CHMP5: variants seen among roughly 807,000 people sequenced by gnomAD.
CHMP5 encodes the protein SNF7 domain containing 2.
A neutral mutation model predicts 33.0 loss-of-function variants in CHMP5; 17 were observed. The ratio of observed to expected loss-of-function variants is 0.52; its 90% CI spans 0.35 to 0.77. CHMP5 has a LOEUF of 0.77. Ranked by LOEUF, CHMP5 falls within the 30% of genes least tolerant of loss-of-function variation. The pLI is 0.01. For missense variants in CHMP5, 216 were observed against 261.5 expected (o/e 0.83, Z 1.20); for synonymous variants, 76 against 90.2 (o/e 0.84, Z 0.89).
At chr9:33,276,754 A>G (rs1028293042) in intron 6 of CHMP5, among the ~76,000 whole-genome samples, 190 bp downstream of exon 6, 4 of 152,204 alleles carry the variant, frequency 2.6e-5, no homozygotes, top group African/African-American at 7.2e-5. Context: ...CAACAGTGGG[A>G]TGGATCAACT....
At chr9:33,272,266 C>T (rs1199922578) in intron 5 of CHMP5, among the ~76,000 whole-genome samples, 1 of 151,980 alleles carries the variant, frequency 6.6e-6, no homozygotes, top group African/African-American at 2.4e-5. Context: ...ATGTCCATTT[C>T]CTTGAATGCA....
chr9:33,265,293 T>A (rs1416027629), intron 1 of CHMP5, 146 bp downstream of exon 1: 1 of 728,594 alleles, frequency 1.4e-6, no homozygotes, highest in East Asian at 2.7e-5. Context: ...CCTTCTCCCC[T>A]TCATCCCTGT....
intron 5 of CHMP5, among the ~76,000 whole-genome samples, chr9:33,274,305 C>T (rs1480266507): frequency 6.6e-6 from 1 of 152,126 alleles, no homozygotes; most frequent in Non-Finnish European, 1.5e-5. Context: ...AACTCCTGAG[C>T]TCAAGTGATC....
chr9:33,265,163 T>G lies in CHMP5; in HGVS notation c.69+16T>G. 1 of 1,613,636 alleles carries G rather than the reference T, an allele frequency of 6.2e-7. No individual in the cohort carries two copies. Among genetic ancestry groups the G allele is most frequent in the Non-Finnish European group, 8.5e-7 (1 of 1,179,698 alleles). Reference sequence around the variant, plus strand: ...CATTGGCACGGTGGGCATTTGATCATGCATAAGTAGGCTCAGGACCTCTGA... The same window carrying G: ...CATTGGCACGGTGGGCATTTGATCAGGCATAAGTAGGCTCAGGACCTCTGA... On this transcript the variant is annotated intron_variant, in intron 1 of 7. Transcript: ENST00000223500.
rs372624153 is a variant in CHMP5, at chr9:33,265,106, C to G, written c.28C>G (p.Pro10Ala). 1 of 1,614,182 alleles carries G rather than the reference C, an allele frequency of 6.2e-7. No homozygotes were observed. The part of the protein sequence containing the change: MNRLFGKAK[P>A]KAPPPSLTDC... ...GAACCGACTCTTCGGGAAAGCGAAACCCAAGGCTCCGCCGCCCAGCCTGAC... is the reference window on the plus strand; with the variant it reads ...GAACCGACTCTTCGGGAAAGCGAAAGCCAAGGCTCCGCCGCCCAGCCTGAC... The change falls in exon 1 of 8, where the codon CCC becomes GCC. Residue 10 changes from proline to alanine, a missense_variant. Pro to Ala is a conservative substitution (Grantham distance 27). Transcript: ENST00000223500.
Position 33,280,875 on chromosome 9 carries a change from G to A in CHMP5, c.*16G>A, listed in dbSNP as rs1402766634. The stretch of plus-strand genomic sequence containing the variant: ...TGCTTCATAGATTTGCATCATTCAA[G>A]CATATCTTGTAAAACAAACACATAT... On this transcript the variant is annotated 3_prime_UTR_variant, in exon 8 of 8. Coordinates refer to ENST00000223500, the MANE Select transcript of CHMP5 (RefSeq NM_016410.6). 1.9e-6 allele frequency: 3 copies of A among 1,600,954 alleles called. No homozygotes were observed. Among genetic ancestry groups the A allele is most frequent in the African/African-American group, 1.3e-5 (1 of 74,388 alleles).
intron 6 of CHMP5, 181 bp from the exon 7 acceptor site, chr9:33,277,932 C>T (rs1272622835): frequency 2.0e-6 from 1 of 499,904 alleles, no homozygotes; most frequent in Admixed American, 3.1e-5. Flanking sequence ...TTGGCCACTT[C>T]CAACTCATTT....
chr9:33,268,955 T>C (rs534341938), intron 3 of CHMP5, among the ~76,000 whole-genome samples: 2 of 152,344 alleles, frequency 1.3e-5, no homozygotes, highest in East Asian at 3.9e-4. Flanking sequence ...CATGAGCATC[T>C]CCCTGTTCTT....
At chr9:33,279,745 C>T (rs1349465114) in intron 7 of CHMP5, among the ~76,000 whole-genome samples, 2 of 151,682 alleles carry the variant, frequency 1.3e-5, no homozygotes, top group South Asian at 2.1e-4. Context: ...CTCCTGTAAT[C>T]CCAGCTACTT....
intron 3 of CHMP5, among the ~76,000 whole-genome samples, chr9:33,269,696 C>T (rs1044517634): frequency 1.2e-4 from 18 of 151,764 alleles, no homozygotes; most frequent in Non-Finnish European, 2.2e-4. Flanking sequence ...TGTAGCAGGC[C>T]GGGTGCGGTG....
intron 5 of CHMP5, among the ~76,000 whole-genome samples, chr9:33,271,494 A>G (rs1820794588): frequency 6.6e-6 from 1 of 152,228 alleles, no homozygotes; most frequent in South Asian, 2.1e-4. Context: ...ATATGCATTC[A>G]GTAGAAACCA....
chr9:33,270,565 G>A, intron 3 of CHMP5, 58 bp from the exon 4 acceptor site: 3 of 1,298,648 alleles, frequency 2.3e-6, no homozygotes, highest in Non-Finnish European at 3.3e-6. Context: ...GGGATACTTT[G>A]TTCTTGAGGA....
At position 33,281,335 on chromosome 9, in the gene CHMP5, G is replaced by A. The variant is rs558755216; in HGVS notation, c.*476G>A. 5 of 153,646 alleles carry A rather than the reference G, an allele frequency of 3.3e-5. No individual in the cohort carries two copies. Among genetic ancestry groups the A allele is most frequent in the African/African-American group, 1.2e-4 (5 of 41,528 alleles). The allele number at this position is 153,646 out of a possible 1,614,324, so 9.5% of individuals were successfully genotyped here. Reference sequence around the variant, plus strand: ...TTTGATGGGTTTTGTTGTGTCTTGTGAACAAGTCGTTACTGTGTCCATTAT... The same window carrying A: ...TTTGATGGGTTTTGTTGTGTCTTGTAAACAAGTCGTTACTGTGTCCATTAT... On this transcript the variant is annotated 3_prime_UTR_variant, in exon 8 of 8. Coordinates refer to ENST00000223500, the MANE Select transcript of CHMP5 (RefSeq NM_016410.6).
At chr9:33,277,069 G>A (rs957486923) in intron 6 of CHMP5, among the ~76,000 whole-genome samples, 4 of 151,654 alleles carry the variant, frequency 2.6e-5, no homozygotes, top group Admixed American at 6.6e-5. Flanking sequence ...GGTGGTGTGC[G>A]CCTGCGGTCC....
intron 7 of CHMP5, among the ~76,000 whole-genome samples, chr9:33,278,958 C>G (rs1298280562): frequency 6.6e-6 from 1 of 152,124 alleles, no homozygotes; most frequent in Non-Finnish European, 1.5e-5. Context: ...GAGACTCATT[C>G]TGTCACTCAG....
chr9:33,277,996 A>G, intron 6 of CHMP5, 117 bp from the exon 7 acceptor site: 1 of 653,658 alleles, frequency 1.5e-6, no homozygotes, highest in Non-Finnish European at 2.7e-6. Flanking sequence ...CACAGCATAC[A>G]ACAATCTCAT....
At chr9:33,279,305 C>G (rs1175646287) in intron 7 of CHMP5, among the ~76,000 whole-genome samples, 1 of 152,084 alleles carries the variant, frequency 6.6e-6, no homozygotes, top group Non-Finnish European at 1.5e-5. Context: ...TTTTTCCTAC[C>G]TGTAAAATGT....
Position 33,276,386 on chromosome 9 carries a change from A to G in CHMP5, c.388-70A>G, listed in dbSNP as rs181456505. 70 of 806,638 alleles carry G rather than the reference A, an allele frequency of 8.7e-5. No individual in the cohort carries two copies. In the African/African-American group the frequency reaches 9.3e-4, roughly 11 times the overall value. 50.0% of individuals were successfully genotyped at this position (806,638 alleles called of 1,614,324 possible). Reference sequence around the variant, plus strand: ...TGCTCATGTCTAGATTCAAAGGAGAATGTAGGGGAAAAGGGTAGTTAAAAG... The same window carrying G: ...TGCTCATGTCTAGATTCAAAGGAGAGTGTAGGGGAAAAGGGTAGTTAAAAG... On this transcript the variant is annotated intron_variant, in intron 5 of 7. Transcript: ENST00000223500.
rs997316680 is a variant in CHMP5, at chr9:33,281,444, A to G, written c.*585A>G. The G allele has an allele frequency of 6.5e-6, 1 of 152,674 alleles. No homozygotes were observed. Among genetic ancestry groups the G allele is most frequent in the African/African-American group, 2.4e-5 (1 of 41,460 alleles). 9.5% of individuals were successfully genotyped at this position (152,674 alleles called of 1,614,324 possible). On this transcript the variant is annotated 3_prime_UTR_variant, in exon 8 of 8. Coordinates refer to ENST00000223500, the MANE Select transcript of CHMP5 (RefSeq NM_016410.6). ...AGTATTACATCTTGACTTGTAATCA[A>G]TTATGAATATTTCTTGATATTTAAT...
Sources: allele counts gnomAD v4.1 joint callset (sites outside exome capture counted in the v4.1 genomes callset), GRCh38; gene constraint gnomAD v4.1.1; transcripts MANE v1.5; gene names NCBI Gene and HGNC (gene_info 2026-07-23, HGNC 2026-07-21).